TC2N: variants seen among roughly 807,000 people sequenced by gnomAD.
TC2N encodes tandem C2 domains nuclear protein.
Under a neutral mutation model 61.9 loss-of-function variants are expected in TC2N, and 51 were observed. That is an observed-to-expected ratio of 0.82 (90% CI 0.66 to 1.04). The LOEUF is 1.04. Among genes scored for constraint, TC2N ranks in the 50% least tolerant of loss-of-function variants. The pLI is 0.00. For synonymous variants in TC2N, 204 were observed against 192.6 expected (o/e 1.06, Z -0.49); for missense variants, 556 against 566.7 (o/e 0.98, Z 0.19).
At chr14:91,834,130 G>A (rs1441089149) in intron 1 of TC2N, among the ~76,000 whole-genome samples, 1 of 152,076 alleles carries the variant, frequency 6.6e-6, no homozygotes, top group Admixed American at 6.5e-5. Context: ...TAAAAGAACC[G>A]CATAACTTAA....
In TC2N at chr14:91,803,560, C is replaced by T. The variant is rs151188425; in HGVS notation, c.302-1139G>A. 2.2e-3 allele frequency among the ~76,000 whole-genome samples: 330 copies of T among 152,170 alleles called. 2 individuals are homozygous for T. The highest frequency in any genetic ancestry group is 7.6e-3 in the African/African-American group (317 of 41,524). ...CTCCACCTTCTGGGTTCAAGCTATT[C>T]TCCTGCCTCAGCCTCCGAAGTAGCT... is the stretch of plus-strand genomic sequence containing the variant. On this transcript the variant is annotated intron_variant, in intron 3 of 11. Coordinates refer to ENST00000435962, the MANE Select transcript of TC2N (RefSeq NM_001128596.3).
intron 1 of TC2N, among the ~76,000 whole-genome samples, chr14:91,844,760 CAAAA>C (rs34223127): frequency 4.3e-5 from 4 of 92,556 alleles, no homozygotes; most frequent in East Asian, 3.1e-4. Flanking sequence ...GACTCTGTCT[CAAAA>C]AAAAAAAAAA....
intron 3 of TC2N, among the ~76,000 whole-genome samples, chr14:91,804,250 T>C (rs1270009241): frequency 6.6e-6 from 1 of 152,186 alleles, no homozygotes; most frequent in Admixed American, 6.5e-5. Flanking sequence ...GAAATGTAAA[T>C]TGATATAATC....
At chr14:91,785,041 T>C in intron 11 of TC2N, 121 bp downstream of exon 11, 1 of 594,016 alleles carries the variant, frequency 1.7e-6, no homozygotes, top group East Asian at 3.0e-5. Flanking sequence ...CAATTGAATT[T>C]TGATTTATGA....
intron 9 of TC2N, among the ~76,000 whole-genome samples, chr14:91,791,233 A>AAGGGT (rs1885641750): frequency 6.7e-6 from 1 of 148,712 alleles, no homozygotes; most frequent in African/African-American, 2.5e-5. Flanking sequence ...AAGGGAAGGG[A>AAGGGT]AGGGTAGATA....
chr14:91,858,771 T>C (rs2078355710), intron 1 of TC2N, among the ~76,000 whole-genome samples: 1 of 152,164 alleles, frequency 6.6e-6, no homozygotes. Flanking sequence ...CAGGAAGTGA[T>C]GGACTGACCC....
At chr14:91,799,535 G>C (rs1045345953) in intron 5 of TC2N, among the ~76,000 whole-genome samples, 3 of 152,068 alleles carry the variant, frequency 2.0e-5, no homozygotes, top group African/African-American at 7.2e-5. Context: ...GATGAAGCCT[G>C]TCATCCTGTG....
rs183385615 is a variant in TC2N at position 91,835,205 on chromosome 14, G to T, written c.-56-21380C>A. 2.6e-5 allele frequency among the ~76,000 whole-genome samples: 4 copies of T among 152,224 alleles called. No individual in the cohort carries two copies. In the East Asian group the frequency reaches 7.7e-4, roughly 29 times the overall value. Reference sequence around the variant, plus strand: ...TATGGCCTCTTCCTCAGTTATGAAGGTAACTCATATTCATTAGCAAAAATT... The same window carrying T: ...TATGGCCTCTTCCTCAGTTATGAAGTTAACTCATATTCATTAGCAAAAATT... On this transcript the variant is annotated intron_variant, in intron 1 of 11. Coordinates refer to ENST00000435962, the MANE Select transcript of TC2N (RefSeq NM_001128596.3).
intron 1 of TC2N, among the ~76,000 whole-genome samples, chr14:91,838,547 C>T (rs1888109498): frequency 6.6e-6 from 1 of 152,224 alleles, no homozygotes; most frequent in Non-Finnish European, 1.5e-5. Flanking sequence ...TACTTCCTTG[C>T]AGCACCTGAC....
chr14:91,833,535 G>A (rs1244863682), intron 1 of TC2N, among the ~76,000 whole-genome samples: 1 of 152,034 alleles, frequency 6.6e-6, no homozygotes, highest in Non-Finnish European at 1.5e-5. Context: ...CACATTGGTA[G>A]AAGCATCATC....
At chr14:91,808,949 T>A (rs1462360046) in intron 3 of TC2N, among the ~76,000 whole-genome samples, 4 of 152,166 alleles carry the variant, frequency 2.6e-5, no homozygotes, top group Admixed American at 2.0e-4. Flanking sequence ...CAAGGCTGCA[T>A]GGTTTAATCC....
intron 1 of TC2N, among the ~76,000 whole-genome samples, chr14:91,823,311 G>C (rs182727020): frequency 6.6e-6 from 1 of 151,434 alleles, no homozygotes; most frequent in South Asian, 2.1e-4. Flanking sequence ...ACCTAAGGTC[G>C]GGAGTTCGAG....
At chr14:91,852,867 C>T (rs1459621652) in intron 1 of TC2N, among the ~76,000 whole-genome samples, 2 of 151,984 alleles carry the variant, frequency 1.3e-5, no homozygotes, top group African/African-American at 4.8e-5. Flanking sequence ...GTCAGGAGAT[C>T]GAGACCATCC....
chr14:91,803,404 T>TACAC (rs1886354627), intron 3 of TC2N, among the ~76,000 whole-genome samples: 2 of 103,106 alleles, frequency 1.9e-5, no homozygotes, highest in African/African-American at 8.7e-5. Context: ...CACACACACG[T>TACAC]ACATACATAC....
At chr14:91,787,804 A>C (rs1885439592) in intron 9 of TC2N, among the ~76,000 whole-genome samples, 177 bp from the exon 10 acceptor site, 1 of 152,160 alleles carries the variant, frequency 6.6e-6, no homozygotes, top group Non-Finnish European at 1.5e-5. Flanking sequence ...TCTTTAAAGT[A>C]CTCATTTGCA....
chr14:91,804,209 G>C (rs758651641), intron 3 of TC2N, among the ~76,000 whole-genome samples: 1 of 152,178 alleles, frequency 6.6e-6, no homozygotes, highest in Non-Finnish European at 1.5e-5. Context: ...CAAGAAAGTA[G>C]AGGAATGTAA....
intron 2 of TC2N, among the ~76,000 whole-genome samples, chr14:91,813,136 T>C (rs960618829): frequency 2.0e-5 from 3 of 151,748 alleles, no homozygotes; most frequent in African/African-American, 7.2e-5. Context: ...AGCTCTGCTG[T>C]AGATTAGGAA....
At chr14:91,812,906 T>G (rs1289385319) in intron 2 of TC2N, among the ~76,000 whole-genome samples, 2 of 151,874 alleles carry the variant, frequency 1.3e-5, no homozygotes, top group East Asian at 3.9e-4. Flanking sequence ...GCAATTCTTT[T>G]GTTGCTGGCA....
chr14:91,812,409 A>C lies in TC2N; in HGVS notation c.204T>G (p.Ser68=). 5 of 1,612,840 alleles carry C rather than the reference A, an allele frequency of 3.1e-6. No homozygotes were observed. Among genetic ancestry groups the C allele is most frequent in the Non-Finnish European group, 4.2e-6 (5 of 1,179,184 alleles). ...TEDYLLSKLP[S]DGKEVPFVVP... ...CCACAAATGGTACTTCTTTGCCATCAGATGGTAATTTGGAAAGCAAATAAT... is the reference window on the plus strand; with the variant it reads ...CCACAAATGGTACTTCTTTGCCATCCGATGGTAATTTGGAAAGCAAATAAT... Residue 68 remains serine (S), a synonymous_variant, in exon 3 of 12, where the codon TCT becomes TCG. Transcript: ENST00000435962.
Sources: gnomAD v4.1 joint callset for allele counts (sites outside exome capture counted in the v4.1 genomes callset) on GRCh38, gnomAD v4.1.1 for gene constraint, MANE v1.5 for transcripts, NCBI Gene and HGNC (gene_info 2026-07-23, HGNC 2026-07-21) for gene names.